The following ULK4 variants were observed in gnomAD, a reference collection of about 807,000 sequenced individuals.
ULK4 encodes inactive serine/threonine-protein kinase ULK4.
ULK4 carries 133 observed loss-of-function variants against 160.6 expected under a neutral mutation model. The ratio of observed to expected loss-of-function variants is 0.83; its 90% confidence interval spans 0.72 to 0.96. ULK4 has a LOEUF of 0.96. ULK4 is among the 40% of genes least tolerant of loss of function. The pLI is 0.00. For synonymous variants in ULK4, 534 were observed against 539.8 expected, an observed-to-expected ratio of 0.99 and a Z score of 0.15; for missense variants, 1,580 against 1,499.5, an observed-to-expected ratio of 1.05 and a Z score of -0.89.
At chr3:41,881,670 A>G (rs1697526515) in intron 17 of ULK4, among the ~76,000 whole-genome samples, 1 of 152,204 alleles carries the variant, frequency 6.6e-6, no homozygotes, top group Non-Finnish European at 1.5e-5. Context: ...ATAGTTCACC[A>G]GATAGTTCAG....
chr3:41,276,629 C>T (rs1371304314), intron 35 of ULK4, among the ~76,000 whole-genome samples: 1 of 152,116 alleles, frequency 6.6e-6, no homozygotes, highest in African/African-American at 2.4e-5. Flanking sequence ...TGCAAGGAAA[C>T]AGCTAATTAT....
intron 32 of ULK4, among the ~76,000 whole-genome samples, chr3:41,499,716 G>A (rs571555076): frequency 6.6e-6 from 1 of 152,138 alleles, no homozygotes; most frequent in East Asian, 1.9e-4. Context: ...GAATATCCCA[G>A]GAGCAAAAAA....
At chr3:41,312,543 C>T (rs2080070851) in intron 35 of ULK4, among the ~76,000 whole-genome samples, 1 of 152,068 alleles carries the variant, frequency 6.6e-6, no homozygotes, top group Admixed American at 6.5e-5. Flanking sequence ...GGCCTATAAA[C>T]CTAGAACTTT....
At position 41,785,375 on chromosome 3, in the gene ULK4, C is replaced by T. The variant is rs764860501; in HGVS notation, c.2193+4286G>A. Reference sequence around the variant, plus strand: ...TGTGCATAAAATGCATAGACGCAGACAGAAAACTAGAAAGAGATAAACCAA... The same window carrying T: ...TGTGCATAAAATGCATAGACGCAGATAGAAAACTAGAAAGAGATAAACCAA... On this transcript the variant is annotated intron_variant, in intron 21 of 36. Coordinates refer to ENST00000301831, the MANE Select transcript of ULK4 (RefSeq NM_017886.4). Among the ~76,000 whole-genome samples, 103 of 152,264 alleles carry T rather than the reference C, an allele frequency of 6.8e-4. 1 individual carries two copies. Among genetic ancestry groups the T allele is most frequent in the Non-Finnish European group, 2.9e-4 (20 of 68,016 alleles).
At chr3:41,483,621 T>C (rs2084404091) in intron 32 of ULK4, among the ~76,000 whole-genome samples, 3 of 152,172 alleles carry the variant, frequency 2.0e-5, no homozygotes. Context: ...ATTTAAATGA[T>C]GTTTTGAGAA....
chr3:41,671,084 A>G (rs941373192), intron 29 of ULK4, among the ~76,000 whole-genome samples: 1 of 152,148 alleles, frequency 6.6e-6, no homozygotes, highest in Non-Finnish European at 1.5e-5. Flanking sequence ...TTATCTACAA[A>G]AGATTTATCA....
intron 29 of ULK4, among the ~76,000 whole-genome samples, chr3:41,671,776 A>G (rs1163832003): frequency 3.3e-5 from 5 of 152,184 alleles, no homozygotes; most frequent in African/African-American, 4.8e-5. Context: ...AACAGATTGA[A>G]GAGATAAACT....
intron 19 of ULK4, among the ~76,000 whole-genome samples, chr3:41,818,097 CAGTA>C (rs987050280): frequency 3.7e-5 from 5 of 136,684 alleles, no homozygotes; most frequent in Admixed American, 2.2e-4. Context: ...TTATAGAAAA[CAGTA>C]AGGAGTTTCC....
At position 41,594,053 on chromosome 3, in the gene ULK4, A is replaced by G. The variant is rs1236841407; in HGVS notation, c.3120+21616T>C. 6.6e-5 allele frequency among the ~76,000 whole-genome samples: 10 copies of G among 152,026 alleles called. 1 individual carries two copies. The highest frequency in any genetic ancestry group is 5.2e-4 in the Admixed American group (8 of 15,266). ...GAGCCAGACTGTGTCGAAAGAGAGA[A>G]AAGAGAGAGAGGGGAGGGAAAGGGA... On this transcript the variant is annotated intron_variant, in intron 31 of 36. Transcript: ENST00000301831.
intron 30 of ULK4, among the ~76,000 whole-genome samples, chr3:41,640,150 G>A (rs150991072): frequency 1.6e-3 from 244 of 152,138 alleles, no homozygotes; most frequent in African/African-American, 5.5e-3. Flanking sequence ...CAAAAGGGAG[G>A]TCCCATTTCT....
intron 35 of ULK4, among the ~76,000 whole-genome samples, chr3:41,320,692 G>A (rs539569280): frequency 1.8e-5 from 2 of 114,278 alleles, no homozygotes; most frequent in African/African-American, 4.0e-5. Flanking sequence ...TGAGGCAGGC[G>A]GATTACTTGA....
intron 17 of ULK4, among the ~76,000 whole-genome samples, chr3:41,865,773 C>T (rs1039774716): frequency 6.6e-6 from 1 of 151,672 alleles, no homozygotes; most frequent in Admixed American, 6.6e-5. Flanking sequence ...TACCTAACTC[C>T]CTATACAAAA....
chr3:41,897,750 T>C (rs1380301407), intron 14 of ULK4, among the ~76,000 whole-genome samples: 1 of 152,204 alleles, frequency 6.6e-6, no homozygotes, highest in Non-Finnish European at 1.5e-5. Flanking sequence ...AGTAATTAAG[T>C]TGACCAATAT....
chr3:41,522,890 C>A (rs2085982642), intron 32 of ULK4, among the ~76,000 whole-genome samples: 3 of 152,092 alleles, frequency 2.0e-5, no homozygotes, highest in African/African-American at 7.2e-5. Context: ...AAACAGTCAA[C>A]AGATCAAGGT....
chr3:41,865,450 T>C (rs1037985770), intron 17 of ULK4, among the ~76,000 whole-genome samples: 1 of 152,104 alleles, frequency 6.6e-6, no homozygotes, highest in African/African-American at 2.4e-5. Flanking sequence ...ATTTTCAACT[T>C]ATGTAACTCA....
intron 35 of ULK4, among the ~76,000 whole-genome samples, chr3:41,390,612 A>G (rs1226886967): frequency 1.3e-5 from 2 of 151,864 alleles, no homozygotes; most frequent in Non-Finnish European, 2.9e-5. Context: ...TTCTGCCTTC[A>G]TTTTGTTATG....
chr3:41,717,663 C>G (rs1170055179), intron 23 of ULK4, 65 bp downstream of exon 23: 2 of 1,548,754 alleles, frequency 1.3e-6, no homozygotes, highest in Non-Finnish European at 8.8e-7. Context: ...AGAACTGATG[C>G]CTAAAAGCCA....
chr3:41,436,059 G>A (rs761146857), intron 34 of ULK4, among the ~76,000 whole-genome samples: 5 of 152,168 alleles, frequency 3.3e-5, no homozygotes, highest in East Asian at 1.9e-4. Context: ...AAAGCGATAC[G>A]CATTCAGTAG....
chr3:41,391,004 A>G (rs886364236), intron 35 of ULK4, among the ~76,000 whole-genome samples: 1 of 151,940 alleles, frequency 6.6e-6, no homozygotes, highest in African/African-American at 2.4e-5. Flanking sequence ...TTTTACTTCT[A>G]TGAGAGCAAC....
Sources: allele counts gnomAD v4.1 joint callset (sites outside exome capture counted in the v4.1 genomes callset), GRCh38; gene constraint gnomAD v4.1.1; transcripts MANE v1.5; gene names NCBI Gene and HGNC (gene_info 2026-07-23, HGNC 2026-07-21).